Variants in ADAMTS16 observed in about 807,000 individuals in gnomAD.
ADAMTS16 encodes A disintegrin and metalloproteinase with thrombospondin motifs 16.
Under a neutral mutation model 145.8 loss-of-function variants are expected in ADAMTS16, and 94 were observed. The observed-to-expected ratio is 0.64, with a 90% CI of 0.55 to 0.77. The LOEUF (loss-of-function observed/expected upper bound fraction) is 0.77. Ranked by LOEUF, ADAMTS16 falls within the 30% of genes least tolerant of loss-of-function variation. The pLI is 0.00. For synonymous variants in ADAMTS16, 659 were observed against 604.3 expected, an observed-to-expected ratio of 1.09 and a Z score of -1.33; for missense variants, 1,585 against 1,591.5, an observed-to-expected ratio of 1.00 and a Z score of 0.07.
intron 17 of ADAMTS16, among the ~76,000 whole-genome samples, chr5:5,248,835 C>T (rs531237419): frequency 2.0e-5 from 3 of 152,280 alleles, no homozygotes; most frequent in Admixed American, 6.5e-5. Context: ...AATATTCAGA[C>T]ATTTGGAATT....
intron 18 of ADAMTS16, among the ~76,000 whole-genome samples, chr5:5,289,115 T>C (rs1203754473): frequency 6.6e-6 from 1 of 152,196 alleles, no homozygotes; most frequent in Non-Finnish European, 1.5e-5. Context: ...ACCACTTATG[T>C]CACCTTTCTG....
chr5:5,308,679 G>A (rs1561003374), intron 21 of ADAMTS16, among the ~76,000 whole-genome samples: 2 of 152,096 alleles, frequency 1.3e-5, no homozygotes, highest in Non-Finnish European at 2.9e-5. Context: ...CTCAAAAGCA[G>A]ATAGGATCCC....
chr5:5,290,524 G>A (rs563107586), intron 18 of ADAMTS16, among the ~76,000 whole-genome samples: 14 of 152,250 alleles, frequency 9.2e-5, no homozygotes, highest in Admixed American at 2.0e-4. Flanking sequence ...ACGTGGTGGT[G>A]CATACCTGTA....
intron 18 of ADAMTS16, among the ~76,000 whole-genome samples, chr5:5,265,562 A>G (rs1044605229): frequency 3.3e-5 from 5 of 152,216 alleles, no homozygotes; most frequent in Non-Finnish European, 5.9e-5. Context: ...TCAGACAGGC[A>G]CTTTAAGAGG....
intron 20 of ADAMTS16, among the ~76,000 whole-genome samples, chr5:5,305,477 CCA>C (rs1464703725): frequency 8.3e-6 from 1 of 119,900 alleles, no homozygotes; most frequent in Admixed American, 7.9e-5. Flanking sequence ...ACATCCCACA[CCA>C]CACACACACA....
At chr5:5,288,601 T>A (rs1345442714) in intron 18 of ADAMTS16, among the ~76,000 whole-genome samples, 3 of 152,186 alleles carry the variant, frequency 2.0e-5, no homozygotes, top group Non-Finnish European at 4.4e-5. Context: ...AGTAATGAAT[T>A]CTTTACTTAT....
chr5:5,218,810 C>T lies in ADAMTS16; in HGVS notation c.1606-3979C>T, dbSNP rs114919958. On this transcript the variant is annotated intron_variant, in intron 10 of 22. Transcript: ENST00000274181. ...GTGGCCAGACCCTTCTCTGGCTGCCCCCAGCTGAATTCCCCTTAGCATCCA... is the reference window on the plus strand; with the variant it reads ...GTGGCCAGACCCTTCTCTGGCTGCCTCCAGCTGAATTCCCCTTAGCATCCA... 1.2e-3 allele frequency among the ~76,000 whole-genome samples: 183 copies of T among 152,236 alleles called. 1 individual carries two copies. The highest frequency in any genetic ancestry group is 4.3e-3 in the African/African-American group (178 of 41,544).
At chr5:5,246,164 G>A (rs555676481) in intron 17 of ADAMTS16, among the ~76,000 whole-genome samples, 2 of 152,138 alleles carry the variant, frequency 1.3e-5, no homozygotes, top group African/African-American at 2.4e-5. Context: ...AATTCACTTG[G>A]CCCAATGTAT....
Position 5,209,173 on chromosome 5 carries a change from T to C in ADAMTS16, c.1532T>C (p.Leu511Ser), listed in dbSNP as rs1217318569. The C allele has an allele frequency of 6.2e-7, 1 of 1,614,064 alleles. No homozygotes were observed. Among genetic ancestry groups the C allele is most frequent in the East Asian group, 2.2e-5 (1 of 44,870 alleles). The change falls in exon 10 of 23, where the codon TTA becomes TCA. Residue 511 changes from leucine to serine, a missense_variant. Physicochemically the swap from Leu to Ser is moderately radical, Grantham distance 145 (BLOSUM62 -2). This residue lies in a region of ADAMTS16 where 298 missense variants were observed against 367.6 expected (regional missense o/e 0.81). Transcript: ENST00000274181. ...YKYPEKLPGE[L>S]YDANTQCKWQ... The stretch of plus-strand genomic sequence containing the variant: ...TATCCTGAGAAATTGCCAGGAGAAT[T>C]ATATGATGCAAACACACAGTGCAAG...
At chr5:5,160,998 A>C (rs1734729303) in intron 3 of ADAMTS16, among the ~76,000 whole-genome samples, 1 of 152,212 alleles carries the variant, frequency 6.6e-6, no homozygotes, top group African/African-American at 2.4e-5. Context: ...TAAATGTAAA[A>C]ATATCTTAAA....
rs62338234 is a variant in ADAMTS16, at chr5:5,263,826, G to A, written c.2789+1043G>A. ...TGGGGGGCAGCTGCCCTCCACCAGC[G>A]GGGGCAAAGGGCCAGCCTTTCTGGT... On this transcript the variant is annotated intron_variant, in intron 18 of 22. Transcript: ENST00000274181. Among the ~76,000 whole-genome samples, 1,049 of 152,302 alleles carry A rather than the reference G, an allele frequency of 6.9e-3. 9 individuals carry two copies. Among genetic ancestry groups the A allele is most frequent in the Middle Eastern group, 0.014 (4 of 294 alleles).
chr5:5,186,334 G>A, intron 5 of ADAMTS16, 83 bp downstream of exon 5: 1 of 1,200,780 alleles, frequency 8.3e-7, no homozygotes, highest in Non-Finnish European at 1.2e-6. Context: ...GTGTGTGTGT[G>A]TTTCCATTTT....
chr5:5,193,594 G>A (rs1057253910), intron 8 of ADAMTS16, among the ~76,000 whole-genome samples: 12 of 152,302 alleles, frequency 7.9e-5, no homozygotes, highest in Admixed American at 6.5e-4. Context: ...AGCCGTTGCA[G>A]GTGGTGAACT....
chr5:5,200,124 T>TCTCC lies in ADAMTS16; in HGVS notation c.1314-5_1314-4insCCTC, dbSNP rs1429718414. The stretch of plus-strand genomic sequence containing the variant: ...AAAGAACCATCTCTCTCTCTCTCTC[T>TCTCC]CTCATAGCTTTGGCATGATTCATGA... On this transcript the variant is annotated splice_polypyrimidine_tract_variant and splice_region_variant and intron_variant, in intron 8 of 22. Transcript: ENST00000274181. The TCTCC allele has an allele frequency of 6.3e-7, 1 of 1,599,676 alleles. No homozygotes were observed. Among genetic ancestry groups the TCTCC allele is most frequent in the Non-Finnish European group, 8.5e-7 (1 of 1,172,314 alleles).
At chr5:5,148,351 G>A (rs190302367) in intron 3 of ADAMTS16, among the ~76,000 whole-genome samples, 126 of 152,324 alleles carry the variant, frequency 8.3e-4, no homozygotes, top group African/African-American at 2.8e-3. Flanking sequence ...GCAGAGCCCA[G>A]GGGCGATCAC....
intron 10 of ADAMTS16, among the ~76,000 whole-genome samples, 168 bp downstream of exon 10, chr5:5,209,414 A>G (rs1736216223): frequency 6.6e-6 from 1 of 152,196 alleles, no homozygotes; most frequent in Non-Finnish European, 1.5e-5. Context: ...ACTGGCAAAG[A>G]AGACGACAGG....
At chr5:5,265,806 C>A (rs1054818846) in intron 18 of ADAMTS16, among the ~76,000 whole-genome samples, 10 of 152,128 alleles carry the variant, frequency 6.6e-5, no homozygotes, top group African/African-American at 2.4e-4. Flanking sequence ...ATCACTGTAA[C>A]CTTGATTGAA....
At chr5:5,212,148 C>T (rs934935830) in intron 10 of ADAMTS16, among the ~76,000 whole-genome samples, 1 of 150,956 alleles carries the variant, frequency 6.6e-6, no homozygotes, top group South Asian at 2.1e-4. Flanking sequence ...GCAATTATTA[C>T]GTATGTTTCT....
intron 7 of ADAMTS16, among the ~76,000 whole-genome samples, chr5:5,190,571 G>T (rs1481913060): frequency 6.6e-6 from 1 of 151,926 alleles, no homozygotes. Context: ...CATTTACGGG[G>T]CTGGGTGTGA....
Sources: gnomAD v4.1 joint callset for allele counts (sites outside exome capture counted in the v4.1 genomes callset) on GRCh38, gnomAD v4.1.1 for gene constraint, gnomAD v4.1.1 regional missense constraint, MANE v1.5 for transcripts, NCBI Gene and HGNC (gene_info 2026-07-23, HGNC 2026-07-21) for gene names.